TENM4: variants seen among roughly 807,000 people sequenced by gnomAD.
The protein encoded by TENM4 is teneurin-4.
Under a neutral mutation model 243.3 loss-of-function variants are expected in TENM4, and 82 were observed. That is an observed-to-expected ratio of 0.34 (90% CI 0.28 to 0.40). The LOEUF (loss-of-function observed/expected upper bound fraction) is 0.40. Among genes scored for constraint, TENM4 ranks in the 10% least tolerant of loss-of-function variants. TENM4 has a pLI of 1.00. For missense variants in TENM4, 3,138 were observed against 3,673.3 expected (o/e 0.85, Z 3.77); for synonymous variants, 1,412 against 1,456.3 (o/e 0.97, Z 0.69).
chr11:78,875,577 C>T (rs866372816), intron 9 of TENM4, among the ~76,000 whole-genome samples: 1 of 152,018 alleles, frequency 6.6e-6, no homozygotes, highest in Non-Finnish European at 1.5e-5. Flanking sequence ...TCCCTAAATG[C>T]CCCCCAGCAT....
chr11:79,298,281 C>T (rs1040525143), intron 1 of TENM4, among the ~76,000 whole-genome samples: 4 of 151,742 alleles, frequency 2.6e-5, no homozygotes, highest in African/African-American at 4.8e-5. Flanking sequence ...TTTGGGAGGC[C>T]GAGGCGGGTG....
At chr11:79,147,060 C>A (rs1369090582) in intron 4 of TENM4, among the ~76,000 whole-genome samples, 5 of 152,124 alleles carry the variant, frequency 3.3e-5, no homozygotes, top group African/African-American at 1.2e-4. Context: ...TGCTATTTCA[C>A]TCAGAAATCA....
At chr11:79,129,775 C>T (rs1235749096) in intron 4 of TENM4, among the ~76,000 whole-genome samples, 1 of 152,112 alleles carries the variant, frequency 6.6e-6, no homozygotes, top group Non-Finnish European at 1.5e-5. Context: ...AGCCCTGCCC[C>T]CGACCTGATG....
At chr11:78,844,304 G>A (rs1858332315) in intron 12 of TENM4, among the ~76,000 whole-genome samples, 1 of 152,160 alleles carries the variant, frequency 6.6e-6, no homozygotes, top group African/African-American at 2.4e-5. Context: ...GTTAAGTGAG[G>A]CTCACAGTAG....
chr11:79,423,739 A>G (rs1362467735), intron 1 of TENM4, among the ~76,000 whole-genome samples: 1 of 152,010 alleles, frequency 6.6e-6, no homozygotes, highest in African/African-American at 2.4e-5. Context: ...AGGATTTAGA[A>G]GAGTCTCTTT....
In TENM4 at chr11:79,114,670, T is replaced by C. The variant is rs572433903; in HGVS notation, c.-66+34040A>G. Among the ~76,000 whole-genome samples, 12 of 152,338 alleles carry C rather than the reference T, an allele frequency of 7.9e-5. No individual in the cohort carries two copies. The East Asian group carries it at 2.3e-3, about 29-fold the overall frequency. The stretch of plus-strand genomic sequence containing the variant: ...CCATGACTGTCTTGAAATTCTTTAT[T>C]TTTGAACAAGGGGCTCCACATTTTT... On this transcript the variant is annotated intron_variant, in intron 4 of 33. Transcript: ENST00000278550.
rs776289882 is a variant in TENM4, at chr11:79,212,663, C to T, written c.-163+3145G>A. Among the ~76,000 whole-genome samples, 68 of 152,218 alleles carry T rather than the reference C, an allele frequency of 4.5e-4. 1 individual carries two copies. Among genetic ancestry groups the T allele is most frequent in the Admixed American group, 1.9e-3 (29 of 15,288 alleles). ...CCCACTGCAGGTGTGAGAGGTGAGG[C>T]CGTGTGAAGCTAACTCCAGGGCTCT... On this transcript the variant is annotated intron_variant, in intron 3 of 33. Coordinates refer to ENST00000278550, the MANE Select transcript of TENM4 (RefSeq NM_001098816.3).
chr11:79,325,705 G>A (rs1856963523), intron 1 of TENM4, among the ~76,000 whole-genome samples: 1 of 152,202 alleles, frequency 6.6e-6, no homozygotes, highest in South Asian at 2.1e-4. Flanking sequence ...CTCTACCCAG[G>A]CGCTCAGTGA....
In TENM4 at chr11:78,789,195, G is replaced by T. The variant is rs145642852; in HGVS notation, c.2180-2112C>A. Among the ~76,000 whole-genome samples, 481 of 152,222 alleles carry T rather than the reference G, an allele frequency of 3.2e-3. 3 individuals carry two copies. Among genetic ancestry groups the T allele is most frequent in the African/African-American group, 0.011 (455 of 41,540 alleles). On this transcript the variant is annotated intron_variant, in intron 15 of 33. Coordinates refer to ENST00000278550, the MANE Select transcript of TENM4 (RefSeq NM_001098816.3). ...AATTACGGTATGCCTGGGGCTATAG[G>T]TGCCTGAGAATGGTAAACATTCACC... is the stretch of plus-strand genomic sequence containing the variant.
At chr11:78,872,308 G>A (rs963103000) in intron 9 of TENM4, among the ~76,000 whole-genome samples, 2 of 152,178 alleles carry the variant, frequency 1.3e-5, no homozygotes, top group Non-Finnish European at 2.9e-5. Context: ...CACAGAAGGG[G>A]TGCTTAAACC....
intron 6 of TENM4, among the ~76,000 whole-genome samples, chr11:79,034,350 G>T (rs892230132): frequency 6.6e-6 from 1 of 152,246 alleles, no homozygotes; most frequent in Middle Eastern, 3.4e-3. Flanking sequence ...GGCTGAGAGG[G>T]CCTTGTAATT....
intron 16 of TENM4, among the ~76,000 whole-genome samples, chr11:78,779,431 AGCCTTGAGTTATTTG>A (rs1856800234): frequency 6.6e-6 from 1 of 152,206 alleles, no homozygotes; most frequent in African/African-American, 2.4e-5. Flanking sequence ...GTTGTATCCA[AGCCTTGAGTTATTTG>A]GCCTTCTAAA....
At position 79,218,935 on chromosome 11, in the gene TENM4, A is replaced by T. The variant is rs369803765; in HGVS notation, c.-264-3026T>A. On this transcript the variant is annotated intron_variant, in intron 2 of 33. Transcript: ENST00000278550. ...TTCATATACTGAGGATTGTTGCTGGATAGAATACAATAATGATTCAGAAGC... is the reference window on the plus strand; with the variant it reads ...TTCATATACTGAGGATTGTTGCTGGTTAGAATACAATAATGATTCAGAAGC... 3.3e-5 allele frequency among the ~76,000 whole-genome samples: 5 copies of T among 152,362 alleles called. No individual in the cohort carries two copies. The East Asian group carries it at 5.8e-4, about 18-fold the overall frequency.
chr11:78,701,468 C>T, intron 28 of TENM4, 58 bp downstream of exon 28: 2 of 1,499,242 alleles, frequency 1.3e-6, no homozygotes, highest in Non-Finnish European at 1.8e-6. Context: ...AATTTACCTC[C>T]AATCCTACAA....
At position 78,732,019 on chromosome 11, in the gene TENM4, A is replaced by C. The variant is rs574208985; in HGVS notation, c.3138+297T>G. Reference sequence around the variant, plus strand: ...GACACAGGAGGCTGGGGAAAAGGAAAGTAGGCAGAAGTGAACTAACCAGGA... The same window carrying C: ...GACACAGGAGGCTGGGGAAAAGGAACGTAGGCAGAAGTGAACTAACCAGGA... On this transcript the variant is annotated intron_variant, in intron 21 of 33. Coordinates refer to ENST00000278550, the MANE Select transcript of TENM4 (RefSeq NM_001098816.3). 9.8e-5 allele frequency among the ~76,000 whole-genome samples: 15 copies of C among 152,338 alleles called. No homozygotes were observed. The South Asian group carries it at 2.9e-3, about 29-fold the overall frequency.
chr11:79,048,931 C>A (rs917037899), intron 6 of TENM4, among the ~76,000 whole-genome samples: 2 of 152,148 alleles, frequency 1.3e-5, no homozygotes, highest in Non-Finnish European at 2.9e-5. Context: ...CTCAGGGGAC[C>A]TTAGGCATCA....
intron 9 of TENM4, among the ~76,000 whole-genome samples, chr11:78,864,753 T>G (rs1277696475): frequency 1.3e-5 from 2 of 152,164 alleles, no homozygotes; most frequent in African/African-American, 4.8e-5. Context: ...CATGACACCC[T>G]GGATGTAACA....
intron 2 of TENM4, among the ~76,000 whole-genome samples, chr11:79,242,373 T>C (rs1477217996): frequency 1.3e-5 from 2 of 151,504 alleles, no homozygotes; most frequent in Non-Finnish European, 2.9e-5. Context: ...TTTCCAAATA[T>C]AGAAAAAAAT....
At chr11:78,687,785 G>C (rs1451444712) in intron 29 of TENM4, among the ~76,000 whole-genome samples, 1 of 152,170 alleles carries the variant, frequency 6.6e-6, no homozygotes, top group Admixed American at 6.5e-5. Flanking sequence ...TGGCAGAATA[G>C]CGAGGTCACC....
Sources: allele counts gnomAD v4.1 joint callset (sites outside exome capture counted in the v4.1 genomes callset), GRCh38; gene constraint gnomAD v4.1.1; transcripts MANE v1.5; gene names NCBI Gene and HGNC (gene_info 2026-07-23, HGNC 2026-07-21).